Variants in ILRUN observed in about 807,000 individuals in gnomAD.
ILRUN encodes the protein inflammation and lipid regulator with UBA-like and NBR1-like domains.
ILRUN carries 3 observed loss-of-function variants against 33.8 expected under a neutral mutation model. The ratio of observed to expected loss-of-function variants is 0.09; its 90% CI spans 0.04 to 0.23. ILRUN has a LOEUF of 0.23. Ranked by LOEUF, ILRUN falls within the 10% of genes least tolerant of loss-of-function variation. ILRUN has a pLI of 1.00. For missense variants in ILRUN, 210 were observed against 375.1 expected (o/e 0.56, Z 3.64); for synonymous variants, 124 against 138.9 (o/e 0.89, Z 0.75).
At chr6:34,679,190 G>C (rs1401276877) in intron 1 of ILRUN, among the ~76,000 whole-genome samples, 1 of 150,050 alleles carries the variant, frequency 6.7e-6, no homozygotes, top group Non-Finnish European at 1.5e-5. Flanking sequence ...ATTAAAACAG[G>C]ATCACATTTT....
chr6:34,655,071 A>C (rs1762742058), intron 1 of ILRUN, among the ~76,000 whole-genome samples: 1 of 152,214 alleles, frequency 6.6e-6, no homozygotes. Context: ...TGGGTAAAGA[A>C]ATCAATTAAA....
At chr6:34,628,894 C>T (rs1168351127) in intron 3 of ILRUN, among the ~76,000 whole-genome samples, 1 of 152,066 alleles carries the variant, frequency 6.6e-6, no homozygotes, top group African/African-American at 2.4e-5. Context: ...GACAGGAAGA[C>T]TGCTTGACCC....
chr6:34,678,856 A>AG (rs1554189187), intron 1 of ILRUN, among the ~76,000 whole-genome samples: 38 of 149,956 alleles, frequency 2.5e-4, no homozygotes, highest in East Asian at 2.3e-3. Context: ...AAAAAAAAAA[A>AG]AAAGAAAGAA....
intron 1 of ILRUN, among the ~76,000 whole-genome samples, chr6:34,693,431 T>C (rs947628525): frequency 6.6e-6 from 1 of 152,000 alleles, no homozygotes; most frequent in Non-Finnish European, 1.5e-5. Context: ...CACGGCTCAC[T>C]GCAGCCTCGA....
At chr6:34,616,437 T>C (rs1433370481) in intron 3 of ILRUN, 1 of 591,840 alleles carries the variant, frequency 1.7e-6, no homozygotes, top group South Asian at 2.1e-5. Flanking sequence ...GCTGGGTGTG[T>C]ACTGTCTAGC....
At chr6:34,632,341 TG>T (rs1223271807) in intron 3 of ILRUN, among the ~76,000 whole-genome samples, 1 of 151,956 alleles carries the variant, frequency 6.6e-6, no homozygotes, top group African/African-American at 2.4e-5. Flanking sequence ...CTAGAGAGGC[TG>T]AGGCAAGAGA....
chr6:34,600,850 G>A (rs1761492673), intron 4 of ILRUN, among the ~76,000 whole-genome samples: 1 of 152,188 alleles, frequency 6.6e-6, no homozygotes, highest in Non-Finnish European at 1.5e-5. Flanking sequence ...ACAAAAATGT[G>A]TACTTGAACA....
chr6:34,671,398 A>C (rs1219883834), intron 1 of ILRUN, among the ~76,000 whole-genome samples: 1 of 152,206 alleles, frequency 6.6e-6, no homozygotes, highest in African/African-American at 2.4e-5. Flanking sequence ...AAAAGCAAAA[A>C]TAAAGTAAAA....
At chr6:34,660,590 C>G (rs987352708) in intron 1 of ILRUN, among the ~76,000 whole-genome samples, 1 of 152,108 alleles carries the variant, frequency 6.6e-6, no homozygotes, top group African/African-American at 2.4e-5. Flanking sequence ...ACCTGGGATA[C>G]GCCAATAATA....
chr6:34,693,011 G>A (rs1403424424), intron 1 of ILRUN, among the ~76,000 whole-genome samples: 1 of 152,146 alleles, frequency 6.6e-6, no homozygotes. Context: ...CTGGGAGGTT[G>A]AGGCTGTAGT....
intron 1 of ILRUN, among the ~76,000 whole-genome samples, chr6:34,684,770 C>CAA (rs1348322281): frequency 3.3e-5 from 5 of 152,060 alleles, no homozygotes; most frequent in Admixed American, 6.6e-5. Context: ...ATTGGGAGAG[C>CAA]AAAAGTTTAC....
intron 3 of ILRUN, among the ~76,000 whole-genome samples, chr6:34,608,787 G>A (rs1232374304): frequency 6.6e-6 from 1 of 152,164 alleles, no homozygotes; most frequent in African/African-American, 2.4e-5. Flanking sequence ...TGTACCATAG[G>A]ACATTTGGTC....
chr6:34,617,279 TTCTAA>T (rs1761915110), intron 3 of ILRUN: 1 of 356,038 alleles, frequency 2.8e-6, no homozygotes. Context: ...ATGATTATTT[TTCTAA>T]TCTAGTCAGT....
At chr6:34,643,756 G>A (rs1007108747) in intron 3 of ILRUN, among the ~76,000 whole-genome samples, 3 of 152,158 alleles carry the variant, frequency 2.0e-5, no homozygotes, top group South Asian at 2.1e-4. Context: ...AGGCTGGAGC[G>A]CAGTGGCGCG....
At chr6:34,619,032 C>T (rs1486974318) in intron 3 of ILRUN, among the ~76,000 whole-genome samples, 1 of 152,040 alleles carries the variant, frequency 6.6e-6, no homozygotes, top group Non-Finnish European at 1.5e-5. Context: ...TTGGATGTAG[C>T]AACACAAAGG....
At chr6:34,663,531 G>C (rs1043055201) in intron 1 of ILRUN, among the ~76,000 whole-genome samples, 20 of 152,116 alleles carry the variant, frequency 1.3e-4, no homozygotes, top group African/African-American at 3.9e-4. Flanking sequence ...GAGAGAGAGA[G>C]AGACAGACAG....
intron 3 of ILRUN, among the ~76,000 whole-genome samples, chr6:34,629,806 T>A (rs1449566888): frequency 6.6e-6 from 1 of 152,224 alleles, no homozygotes; most frequent in African/African-American, 2.4e-5. Flanking sequence ...ATGTTACGCC[T>A]TTTGTAGTTG....
At chr6:34,612,244 A>T (rs1338400299) in intron 3 of ILRUN, among the ~76,000 whole-genome samples, 2 of 151,894 alleles carry the variant, frequency 1.3e-5, no homozygotes, top group African/African-American at 4.8e-5. Flanking sequence ...AGCCTAGGCA[A>T]CAACGGTGAA....
intron 4 of ILRUN, among the ~76,000 whole-genome samples, chr6:34,601,710 C>CCA (rs1554182773): frequency 6.7e-6 from 1 of 148,162 alleles, no homozygotes; most frequent in African/African-American, 2.4e-5. Flanking sequence ...TACCCGCCCC[C>CCA]CCAACTACTG....
Sources: allele counts gnomAD v4.1 joint callset (sites outside exome capture counted in the v4.1 genomes callset), GRCh38; gene constraint gnomAD v4.1.1; transcripts MANE v1.5; gene names NCBI Gene and HGNC (gene_info 2026-07-23, HGNC 2026-07-21).